The following PCDH15 variants were observed in gnomAD, a reference collection of about 807,000 sequenced individuals.
PCDH15 encodes protocadherin related 15.
In PCDH15, 129 loss-of-function variants were observed where a neutral mutation model predicts 178.5. The observed-to-expected ratio is 0.72, with a 90% CI of 0.63 to 0.84. The LOEUF is 0.84. PCDH15 is among the 40% of genes least tolerant of loss of function. PCDH15 has a pLI of 0.00. For synonymous variants in PCDH15, 800 were observed against 732.0 expected, an observed-to-expected ratio of 1.09 and a Z score of -1.50; for missense variants, 2,230 against 2,099.9, an observed-to-expected ratio of 1.06 and a Z score of -1.21.
chr10:54,714,642 T>A (rs2095458847), intron 1 of PCDH15, among the ~76,000 whole-genome samples: 1 of 152,090 alleles, frequency 6.6e-6, no homozygotes, highest in Non-Finnish European at 1.5e-5. Context: ...TCTTTTAGAG[T>A]CATAGTGAAT....
chr10:55,088,171 G>T (rs769315432), intron 2 of PCDH15, among the ~76,000 whole-genome samples: 1 of 151,754 alleles, frequency 6.6e-6, no homozygotes, highest in Admixed American at 6.6e-5. Flanking sequence ...AAATGTAAAG[G>T]TCCTTACATA....
intron 2 of PCDH15, chr10:54,528,439 AT>A (rs1439484311): frequency 6.5e-7 from 1 of 1,529,614 alleles, no homozygotes; most frequent in Admixed American, 1.9e-5. Context: ...ATGGAAGCAG[AT>A]CAGAAAAATG....
chr10:55,312,560 A>C (rs1462792154), intron 1 of PCDH15, among the ~76,000 whole-genome samples: 1 of 152,126 alleles, frequency 6.6e-6, no homozygotes, highest in African/African-American at 2.4e-5. Context: ...CTCATTGAAT[A>C]TATAAAAGGA....
chr10:55,455,010 C>T (rs1424472730), intron 2 of PCDH15, among the ~76,000 whole-genome samples: 1 of 151,928 alleles, frequency 6.6e-6, no homozygotes, highest in Non-Finnish European at 1.5e-5. Flanking sequence ...TCATCTTATG[C>T]TTTATGTAAG....
chr10:53,891,114 A>G (rs1257165399), intron 26 of PCDH15, among the ~76,000 whole-genome samples: 2 of 151,082 alleles, frequency 1.3e-5, no homozygotes. Flanking sequence ...TATTCGTGTT[A>G]TAGATCTCCT....
intron 3 of PCDH15, among the ~76,000 whole-genome samples, chr10:54,503,218 C>CAT (rs200118609): frequency 0.1 from 10,488 of 104,702 alleles, 725 homozygotes; most frequent in East Asian, 0.45. Context: ...GCCAAATATA[C>CAT]ATATATATGT....
rs749702003 is a variant in PCDH15 at position 54,020,214 on chromosome 10, G to A, written c.2729C>T (p.Ala910Val). The A allele has an allele frequency of 2.5e-6, 4 of 1,613,434 alleles. No homozygotes were observed. The highest frequency in any genetic ancestry group is 1.7e-6 in the Non-Finnish European group (2 of 1,179,540). ...TACCTTTACAATCACTGTGACAGTA[G>A]CAATACCAGGTGGCATTGTTCCATA... ...DIYGTMPPGI[A>V]TVTVIVKDMN... Residue 910 changes from alanine to valine, a missense_variant, in exon 20 of 38, where the codon GCT becomes GTT. By Grantham distance (64) the Ala-to-Val change is moderately conservative (BLOSUM62 0). Coordinates refer to ENST00000644397, the MANE Select transcript of PCDH15 (RefSeq NM_001384140.1).
chr10:54,497,796 A>G (rs980702067), intron 3 of PCDH15, among the ~76,000 whole-genome samples: 1 of 152,164 alleles, frequency 6.6e-6, no homozygotes, highest in East Asian at 1.9e-4. Context: ...TTTGATAAAT[A>G]TGAGATTATG....
chr10:53,892,659 T>A (rs943210015), intron 26 of PCDH15, among the ~76,000 whole-genome samples: 1 of 152,136 alleles, frequency 6.6e-6, no homozygotes, highest in Non-Finnish European at 1.5e-5. Flanking sequence ...TTCAGACTAA[T>A]AAGGAGAAAT....
chr10:53,898,959 G>C (rs2082145972), intron 26 of PCDH15, among the ~76,000 whole-genome samples: 1 of 152,064 alleles, frequency 6.6e-6, no homozygotes, highest in African/African-American at 2.4e-5. Flanking sequence ...ATTAAAACCA[G>C]AGACTTCACC....
chr10:55,607,051 G>GA (rs1161612534), intron 2 of PCDH15, among the ~76,000 whole-genome samples: 1 of 151,792 alleles, frequency 6.6e-6, no homozygotes, highest in Non-Finnish European at 1.5e-5. Flanking sequence ...AAATTTACAA[G>GA]AAAAAAACAA....
At chr10:55,153,394 A>G (rs1261048923) in intron 2 of PCDH15, among the ~76,000 whole-genome samples, 1 of 152,144 alleles carries the variant, frequency 6.6e-6, no homozygotes, top group African/African-American at 2.4e-5. Flanking sequence ...GCCTCTCCCA[A>G]GTGGTTCTGC....
intron 2 of PCDH15, among the ~76,000 whole-genome samples, chr10:55,403,955 G>C (rs559439699): frequency 2.4e-4 from 37 of 151,854 alleles, no homozygotes; most frequent in Non-Finnish European, 3.5e-4. Flanking sequence ...ACTTTTTTCA[G>C]GTTGTGTCTG....
At chr10:54,766,875 A>C (rs1293368655) in intron 1 of PCDH15, among the ~76,000 whole-genome samples, 2 of 151,998 alleles carry the variant, frequency 1.3e-5, no homozygotes, top group African/African-American at 4.8e-5. Flanking sequence ...GCTTGCAGTG[A>C]GCCGAGATAG....
At chr10:54,111,226 A>C (rs1029678936) in intron 15 of PCDH15, among the ~76,000 whole-genome samples, 1 of 152,226 alleles carries the variant, frequency 6.6e-6, no homozygotes, top group African/African-American at 2.4e-5. Context: ...GTTTATTTAC[A>C]AAACAACACA....
intron 1 of PCDH15, among the ~76,000 whole-genome samples, chr10:55,196,896 A>G (rs1028116389): frequency 3.9e-5 from 6 of 152,046 alleles, no homozygotes; most frequent in African/African-American, 1.4e-4. Flanking sequence ...AACATTTACA[A>G]AAAAATACTG....
intron 3 of PCDH15, among the ~76,000 whole-genome samples, chr10:54,428,838 T>C (rs1392162093): frequency 6.6e-6 from 1 of 152,148 alleles, no homozygotes; most frequent in Non-Finnish European, 1.5e-5. Context: ...ACTTTTACCC[T>C]ACAATAGTGT....
intron 2 of PCDH15, among the ~76,000 whole-genome samples, chr10:54,966,328 G>T (rs1838787783): frequency 6.6e-6 from 1 of 151,772 alleles, no homozygotes; most frequent in South Asian, 2.1e-4. Context: ...AGCCATAATT[G>T]ACATAGAGTC....
chr10:54,797,137 A>C (rs527626020), intron 1 of PCDH15, among the ~76,000 whole-genome samples: 1 of 152,136 alleles, frequency 6.6e-6, no homozygotes, highest in South Asian at 2.1e-4. Flanking sequence ...TTCACTAGGC[A>C]TGAGAATGAA....
Sources: gnomAD v4.1 joint callset for allele counts (sites outside exome capture counted in the v4.1 genomes callset) on GRCh38, gnomAD v4.1.1 for gene constraint, MANE v1.5 for transcripts, NCBI Gene and HGNC (gene_info 2026-07-23, HGNC 2026-07-21) for gene names.